CIROZ: variants seen among roughly 807,000 people sequenced by gnomAD.
CIROZ encodes ciliated left-right organizer ZP-N domains-containing protein.
At chr1:10,970,947 C>T in the CIROZ span, among the ~76,000 whole-genome samples, 1 of 148,808 alleles carries the variant, frequency 6.7e-6, no homozygotes, top group Non-Finnish European at 1.5e-5. Context: ...AAGTTCGAGA[C>T]CAGCCTGGGC....
the CIROZ span, among the ~76,000 whole-genome samples, chr1:10,980,772 T>A: frequency 2.6e-5 from 4 of 152,190 alleles, no homozygotes; most frequent in African/African-American, 9.6e-5. Context: ...TTTGGGTTTT[T>A]CCCCCTCACT....
the CIROZ span, among the ~76,000 whole-genome samples, chr1:10,955,540 T>C: frequency 6.6e-6 from 1 of 152,006 alleles, no homozygotes; most frequent in Admixed American, 6.6e-5. Flanking sequence ...CCAAAGCAAC[T>C]CTTAAGTAAT....
At chr1:10,967,326 G>A in the CIROZ span, among the ~76,000 whole-genome samples, 1 of 151,318 alleles carries the variant, frequency 6.6e-6, no homozygotes, top group Non-Finnish European at 1.5e-5. Context: ...GCCCAGTCCT[G>A]CCTCAGGGCC....
chr1:10,964,232 C>T, the CIROZ span: 1 of 1,614,152 alleles, frequency 6.2e-7, no homozygotes, highest in Non-Finnish European at 8.5e-7. Context: ...CCCATCACCC[C>T]TTTCTGAAAT....
chr1:10,952,610 A>C, the CIROZ span, among the ~76,000 whole-genome samples: 6 of 151,946 alleles, frequency 3.9e-5, no homozygotes, highest in African/African-American at 1.2e-4. Flanking sequence ...GCTCACTGCA[A>C]CCTCCACCTC....
chr1:10,974,644 C>T, the CIROZ span, among the ~76,000 whole-genome samples: 1 of 152,194 alleles, frequency 6.6e-6, no homozygotes, highest in Admixed American at 6.5e-5. The surrounding 1 kb of genome is among the most constrained non-coding windows in gnomAD (Gnocchi z 4.4). Context: ...GGACACAGGA[C>T]AAGAACTCCA....
the CIROZ span, among the ~76,000 whole-genome samples, chr1:10,952,316 T>C: frequency 6.6e-6 from 1 of 152,182 alleles, no homozygotes; most frequent in Non-Finnish European, 1.5e-5. Context: ...GAGAACATTC[T>C]TTCCCCGTGT....
the CIROZ span, among the ~76,000 whole-genome samples, chr1:10,973,538 G>A: frequency 2.0e-5 from 3 of 152,146 alleles, no homozygotes; most frequent in Admixed American, 2.0e-4. Context: ...TCGCTGCTGA[G>A]AGAAGCTGGC....
the CIROZ span, chr1:10,966,616 A>T: frequency 2.9e-6 from 3 of 1,024,878 alleles, no homozygotes; most frequent in Non-Finnish European, 4.0e-6. Flanking sequence ...TAAAAATAGC[A>T]GTAATTTTTA....
the CIROZ span, chr1:10,948,316 G>A: frequency 6.2e-6 from 10 of 1,613,754 alleles, no homozygotes; most frequent in South Asian, 1.1e-5. Context: ...GGAGAACGGT[G>A]AGAAACCAGC....
the CIROZ span, chr1:10,957,205 T>A: frequency 3.3e-6 from 3 of 914,330 alleles, no homozygotes; most frequent in East Asian, 8.3e-5. Flanking sequence ...TTCGAATTAG[T>A]CTCTGAACTA....
chr1:10,948,706 TG>T, the CIROZ span: 1 of 1,583,036 alleles, frequency 6.3e-7, no homozygotes, highest in East Asian at 2.2e-5. Flanking sequence ...GCTGGAGGTG[TG>T]GGGTGTCCAG....
chr1:10,969,389 AG>A, the CIROZ span, among the ~76,000 whole-genome samples: 1 of 152,110 alleles, frequency 6.6e-6, no homozygotes, highest in Non-Finnish European at 1.5e-5. Context: ...CATGGCAGAA[AG>A]GTTTCTGGAA....
At chr1:10,949,308 A>C in the CIROZ span, 1 of 395,052 alleles carries the variant, frequency 2.5e-6, no homozygotes, top group East Asian at 5.3e-5. Context: ...CCCTCCCTCC[A>C]TTTGTGTGCA....
the CIROZ span, among the ~76,000 whole-genome samples, chr1:10,969,194 T>C: frequency 6.6e-6 from 1 of 151,748 alleles, no homozygotes; most frequent in African/African-American, 2.4e-5. Flanking sequence ...CTCCTCAATA[T>C]CTCTTTTTCT....
the CIROZ span, chr1:10,956,953 G>A: frequency 2.0e-5 from 27 of 1,359,432 alleles, no homozygotes; most frequent in Admixed American, 6.4e-5. Context: ...GGTGCCCAGA[G>A]GAGGGAGAAA....
the CIROZ span, among the ~76,000 whole-genome samples, chr1:10,959,436 CA>C: frequency 6.6e-6 from 1 of 152,222 alleles, no homozygotes; most frequent in Non-Finnish European, 1.5e-5. The surrounding 1 kb of genome is among the most constrained non-coding windows in gnomAD (Gnocchi z 4.3). Flanking sequence ...GCACCTTCCC[CA>C]AAACCCCTCT....
the CIROZ span, among the ~76,000 whole-genome samples, chr1:10,977,736 T>C: frequency 2.0e-5 from 3 of 152,296 alleles, no homozygotes; most frequent in East Asian, 5.8e-4. Flanking sequence ...ATAGGTTCTC[T>C]ATGACTTAGA....
the CIROZ span, among the ~76,000 whole-genome samples, chr1:10,950,680 C>T: frequency 6.6e-6 from 1 of 152,240 alleles, no homozygotes; most frequent in East Asian, 1.9e-4. Flanking sequence ...CCAAAAAGGT[C>T]TCCAGATGTT....
Sources: gnomAD v4.1 joint callset for allele counts (sites outside exome capture counted in the v4.1 genomes callset) on GRCh38, gnomAD v4.1.1 for gene constraint, Gnocchi (gnomAD v3.1) non-coding constraint, MANE v1.5 for transcripts, NCBI Gene and HGNC (gene_info 2026-07-23, HGNC 2026-07-21) for gene names.